Variants in ARMH3 observed in about 807,000 individuals in gnomAD.
ARMH3 encodes the protein armadillo like helical domain containing 3, also known as armadillo-like helical domain-containing protein 3.
In ARMH3, 60 loss-of-function variants were observed where a neutral mutation model predicts 99.1. That is an observed-to-expected ratio of 0.61 (90% CI 0.49 to 0.75). The LOEUF (loss-of-function observed/expected upper bound fraction) is 0.75, where lower values mean the gene tolerates loss of function less well. Among genes scored for constraint, ARMH3 ranks in the 30% least tolerant of loss-of-function variants. The probability of loss-of-function intolerance (pLI) is 0.00; values close to 1 mark genes in which losing one functional copy is unlikely to be tolerated. For missense variants in ARMH3, 679 were observed against 843.1 expected (o/e 0.81, Z 2.41); for synonymous variants, 285 against 292.8 (o/e 0.97, Z 0.27).
chr10:101,975,908 A>G (rs368833817), intron 19 of ARMH3, among the ~76,000 whole-genome samples: 2 of 151,188 alleles, frequency 1.3e-5, no homozygotes, highest in African/African-American at 2.4e-5. Context: ...TAATCCCAGC[A>G]CTTTAGGAGG....
chr10:101,970,390 G>C (rs756558141), intron 20 of ARMH3, among the ~76,000 whole-genome samples: 1 of 152,124 alleles, frequency 6.6e-6, no homozygotes, highest in Non-Finnish European at 1.5e-5. Flanking sequence ...CATCCTACTG[G>C]GTTCTATTAT....
intron 23 of ARMH3, among the ~76,000 whole-genome samples, chr10:101,903,772 A>T (rs1192401272): frequency 6.6e-6 from 1 of 152,210 alleles, no homozygotes; most frequent in Non-Finnish European, 1.5e-5. Flanking sequence ...CCAGTGTCTC[A>T]TTTTAAATAT....
intron 23 of ARMH3, among the ~76,000 whole-genome samples, chr10:101,930,774 G>A (rs1236885869): frequency 6.6e-6 from 1 of 152,152 alleles, no homozygotes; most frequent in African/African-American, 2.4e-5. Context: ...ACAAAGTTGG[G>A]TATGGAAGGG....
intron 19 of ARMH3, among the ~76,000 whole-genome samples, chr10:101,981,707 A>G (rs1352716607): frequency 6.6e-6 from 1 of 151,126 alleles, no homozygotes; most frequent in Non-Finnish European, 1.5e-5. Context: ...AAACTATTTA[A>G]ACAGTACTCT....
intron 23 of ARMH3, among the ~76,000 whole-genome samples, chr10:101,891,688 G>A (rs972659965): frequency 1.3e-5 from 2 of 152,232 alleles, no homozygotes; most frequent in Non-Finnish European, 2.9e-5. Flanking sequence ...GTTACTTAGT[G>A]TTGATACATG....
chr10:101,916,166 C>T (rs1843079897), intron 23 of ARMH3, among the ~76,000 whole-genome samples: 1 of 152,054 alleles, frequency 6.6e-6, no homozygotes, highest in Admixed American at 6.5e-5. Context: ...AATAACAAAG[C>T]TTTAAAATGA....
intron 23 of ARMH3, among the ~76,000 whole-genome samples, chr10:101,919,232 G>A (rs975527483): frequency 6.6e-6 from 1 of 151,644 alleles, no homozygotes. Flanking sequence ...CCTTCTCTCC[G>A]TCCCTTCCTT....
intron 24 of ARMH3, among the ~76,000 whole-genome samples, chr10:101,871,772 G>A (rs2067137292): frequency 6.6e-6 from 1 of 152,134 alleles, no homozygotes; most frequent in South Asian, 2.1e-4. Flanking sequence ...AGGCCGAGGT[G>A]GGTGGAACAC....
chr10:102,020,559 G>A (rs961389116), intron 8 of ARMH3, among the ~76,000 whole-genome samples: 10 of 151,786 alleles, frequency 6.6e-5, no homozygotes, highest in Non-Finnish European at 1.2e-4. Context: ...GGTGGCGGGC[G>A]CCTGTAGTCC....
intron 23 of ARMH3, among the ~76,000 whole-genome samples, chr10:101,906,238 A>C (rs61873599): frequency 0.052 from 7,861 of 152,240 alleles, 221 homozygotes; most frequent in Middle Eastern, 0.095. Context: ...TTGTTTATAC[A>C]TCCTTGTTTG....
At chr10:101,940,312 G>A (rs1844179959) in intron 22 of ARMH3, among the ~76,000 whole-genome samples, 1 of 152,156 alleles carries the variant, frequency 6.6e-6, no homozygotes, top group East Asian at 1.9e-4. Flanking sequence ...CCTAATGGTG[G>A]GGGCTGATTT....
intron 20 of ARMH3, among the ~76,000 whole-genome samples, chr10:101,972,704 C>G (rs1845822197): frequency 1.3e-5 from 2 of 152,234 alleles, no homozygotes; most frequent in Admixed American, 1.3e-4. Flanking sequence ...GTATGTTCCA[C>G]ATATGAATAC....
intron 19 of ARMH3, among the ~76,000 whole-genome samples, chr10:101,986,098 T>C (rs1287982511): frequency 1.3e-5 from 2 of 151,924 alleles, no homozygotes; most frequent in Admixed American, 6.6e-5. Context: ...GCAGAATGAC[T>C]CTAAATTTAG....
chr10:101,939,157 T>G (rs138057789), intron 23 of ARMH3, among the ~76,000 whole-genome samples: 103 of 152,352 alleles, frequency 6.8e-4, no homozygotes, highest in African/African-American at 2.4e-3. Context: ...TTTTACTCAA[T>G]GTTAATTTTT....
intron 23 of ARMH3, among the ~76,000 whole-genome samples, chr10:101,936,055 C>CATACTATTT (rs1224961770): frequency 6.6e-6 from 1 of 152,118 alleles, no homozygotes; most frequent in Admixed American, 6.5e-5. Context: ...ACTTCCAAGT[C>CATACTATTT]ATACTATTTT....
chr10:102,019,002 T>G (rs960082587), intron 8 of ARMH3, among the ~76,000 whole-genome samples: 2 of 152,174 alleles, frequency 1.3e-5, no homozygotes, highest in Non-Finnish European at 2.9e-5. Flanking sequence ...TACCTACTAC[T>G]TGATAATGAC....
chr10:101,990,340 C>T (rs1190770653), intron 19 of ARMH3, among the ~76,000 whole-genome samples: 1 of 152,038 alleles, frequency 6.6e-6, no homozygotes, highest in East Asian at 1.9e-4. Flanking sequence ...CCCACCACTG[C>T]GCCCAGATAA....
intron 2 of ARMH3, among the ~76,000 whole-genome samples, chr10:102,036,106 G>A (rs2067252959): frequency 6.6e-6 from 1 of 151,480 alleles, no homozygotes; most frequent in Non-Finnish European, 1.5e-5. Flanking sequence ...ACCCCGTCTG[G>A]GAGGGAGGTG....
chr10:101,958,364 C>T (rs540815871), intron 20 of ARMH3, among the ~76,000 whole-genome samples: 1 of 152,166 alleles, frequency 6.6e-6, no homozygotes, highest in Non-Finnish European at 1.5e-5. Flanking sequence ...CAATTCTTAG[C>T]GAGGGGAGAG....
Sources: allele counts gnomAD v4.1 joint callset (sites outside exome capture counted in the v4.1 genomes callset), GRCh38; gene constraint gnomAD v4.1.1; transcripts MANE v1.5; gene names NCBI Gene and HGNC (gene_info 2026-07-23, HGNC 2026-07-21).